The following JPH3 variants were observed in gnomAD, a reference collection of about 807,000 sequenced individuals.
JPH3 encodes junctophilin 3, also known as junctophilin-3.
Under a neutral mutation model 59.6 loss-of-function variants are expected in JPH3, and 11 were observed. The ratio of observed to expected loss-of-function variants is 0.18; its 90% confidence interval spans 0.12 to 0.31. JPH3 has a LOEUF of 0.31. JPH3 is among the 10% of genes least tolerant of loss of function. The pLI, the probability that JPH3 is intolerant of heterozygous loss-of-function variation, is 1.00. For missense variants in JPH3, 1,202 were observed against 1,105.7 expected, an observed-to-expected ratio of 1.09 and a Z score of -1.24; for synonymous variants, 673 against 483.6, an observed-to-expected ratio of 1.39 and a Z score of -5.14.
At chr16:87,623,526 A>T (rs142357960) in intron 1 of JPH3, among the ~76,000 whole-genome samples, 14 of 152,328 alleles carry the variant, frequency 9.2e-5, no homozygotes, top group Admixed American at 2.6e-4. Flanking sequence ...GTTTAAGGAA[A>T]TGTTAAATTT....
intron 1 of JPH3, among the ~76,000 whole-genome samples, chr16:87,620,775 G>C (rs1042557580): frequency 6.6e-6 from 1 of 152,216 alleles, no homozygotes; most frequent in African/African-American, 2.4e-5. Flanking sequence ...ACACGGTTCT[G>C]CTGTTGGGGC....
At chr16:87,694,311 G>A (rs578129435) in intron 4 of JPH3, 2 of 152,444 alleles carry the variant, frequency 1.3e-5, no homozygotes, top group South Asian at 2.1e-4. Context: ...ACCAGCCTAG[G>A]TGCTGGCGTG....
intron 2 of JPH3, among the ~76,000 whole-genome samples, chr16:87,673,775 A>G (rs748758905): frequency 2.8e-4 from 43 of 151,964 alleles, no homozygotes; most frequent in Admixed American, 1.3e-3. Flanking sequence ...AAAATATAAA[A>G]ATGAGCTGGG....
At chr16:87,612,332 C>G (rs1225999395) in intron 1 of JPH3, among the ~76,000 whole-genome samples, 4 of 152,092 alleles carry the variant, frequency 2.6e-5, no homozygotes, top group Non-Finnish European at 5.9e-5. Flanking sequence ...GTCGTGTTTC[C>G]CAGACTGGTC....
At chr16:87,625,870 A>G (rs1597243490) in intron 1 of JPH3, among the ~76,000 whole-genome samples, 2 of 152,042 alleles carry the variant, frequency 1.3e-5, no homozygotes. Flanking sequence ...TGTTCACCCC[A>G]TACCCTCCCC....
At chr16:87,640,284 G>A (rs1004497561) in intron 1 of JPH3, among the ~76,000 whole-genome samples, 30 of 151,612 alleles carry the variant, frequency 2.0e-4, no homozygotes, top group Admixed American at 1.7e-3. Flanking sequence ...AGCTGAGATC[G>A]CGCTACTGCA....
At chr16:87,641,531 C>T (rs138412004) in intron 1 of JPH3, among the ~76,000 whole-genome samples, 21 of 152,336 alleles carry the variant, frequency 1.4e-4, no homozygotes, top group African/African-American at 3.8e-4. Flanking sequence ...CCACCTCATT[C>T]GGCCCCGTCC....
intron 2 of JPH3, among the ~76,000 whole-genome samples, chr16:87,656,164 C>CTATCTCAGAGCACACAG (rs2032495334): frequency 6.6e-6 from 1 of 152,248 alleles, no homozygotes; most frequent in South Asian, 2.1e-4. Context: ...CTCTGCCCGC[C>CTATCTCAGAGCACACAG]TATCTCAGAG....
intron 1 of JPH3, among the ~76,000 whole-genome samples, chr16:87,632,767 C>G (rs1334451563): frequency 2.6e-5 from 4 of 152,080 alleles, no homozygotes; most frequent in South Asian, 2.1e-4. Flanking sequence ...GAGGTGTGCA[C>G]TTGTAATCCC....
rs2142854724 is a variant in JPH3, at chr16:87,696,331, G to C, written c.2167-249G>C. On this transcript the variant is annotated intron_variant, in intron 4 of 4. Transcript: ENST00000284262. ...TACTCAGGGTGTCGGGGCCACAAGG[G>C]AATTCCAAGGGAATTCCAGGACCAG... Among the ~76,000 whole-genome samples, 2 of 152,118 alleles carry C rather than the reference G, an allele frequency of 1.3e-5. 1 individual carries two copies. Among genetic ancestry groups the C allele is most frequent in the Non-Finnish European group, 2.9e-5 (2 of 68,004 alleles).
At chr16:87,681,318 GA>G (rs1365542716) in intron 2 of JPH3, among the ~76,000 whole-genome samples, 1 of 144,432 alleles carries the variant, frequency 6.9e-6, no homozygotes, top group African/African-American at 2.6e-5. Flanking sequence ...ACAGTTCCGG[GA>G]GGTCAGGTGC....
At position 87,611,390 on chromosome 16, in the gene JPH3, A is replaced by AT. The variant is rs1204626333; in HGVS notation, c.382+7863dup. On this transcript the variant is annotated intron_variant, in intron 1 of 4. Transcript: ENST00000284262. This position sits in a 1 kb window ranked among gnomAD's most constrained non-coding sequence, Gnocchi z 4.5. ...GAAGGGCAGTAGGGTGAGAGTTGTT[A>AT]TCCCAAGCCTGAGGCTGCAGATTTG... Among the ~76,000 whole-genome samples, 3 of 152,128 alleles carry AT rather than the reference A, an allele frequency of 2.0e-5. No individual in the cohort carries two copies. The highest frequency in any genetic ancestry group is 2.9e-5 in the Non-Finnish European group (2 of 68,010).
chr16:87,642,122 G>A (rs1218941052), intron 1 of JPH3, among the ~76,000 whole-genome samples: 6 of 152,104 alleles, frequency 3.9e-5, no homozygotes, highest in Non-Finnish European at 4.4e-5. Context: ...TGAAGGTGGC[G>A]GGGTGTGGGG....
At chr16:87,607,700 T>C (rs1346025917) in intron 1 of JPH3, among the ~76,000 whole-genome samples, 4 of 152,242 alleles carry the variant, frequency 2.6e-5, no homozygotes, top group African/African-American at 9.6e-5. Flanking sequence ...TAAACTACCA[T>C]GGGGCGTATG....
At chr16:87,622,527 G>A (rs1360421733) in intron 1 of JPH3, among the ~76,000 whole-genome samples, 1 of 152,216 alleles carries the variant, frequency 6.6e-6, no homozygotes, top group South Asian at 2.1e-4. Flanking sequence ...TGGCAGGGCC[G>A]GGAAGTAGAG....
intron 3 of JPH3, among the ~76,000 whole-genome samples, chr16:87,685,735 G>C (rs979004777): frequency 6.6e-6 from 1 of 152,254 alleles, no homozygotes; most frequent in Non-Finnish European, 1.5e-5. Flanking sequence ...CTCAGCTCCA[G>C]CCCTGCCTGC....
chr16:87,627,861 G>T (rs2031434147), intron 1 of JPH3, among the ~76,000 whole-genome samples: 1 of 152,214 alleles, frequency 6.6e-6, no homozygotes, highest in Non-Finnish European at 1.5e-5. Context: ...ACAGGTAACA[G>T]CATCAGCCAG....
At chr16:87,662,782 T>C (rs970419892) in intron 2 of JPH3, among the ~76,000 whole-genome samples, 3 of 152,224 alleles carry the variant, frequency 2.0e-5, no homozygotes, top group Non-Finnish European at 4.4e-5. Context: ...CACGCAGGGT[T>C]GCAACCTCTT....
At chr16:87,622,027 T>C (rs1345280862) in intron 1 of JPH3, among the ~76,000 whole-genome samples, 1 of 152,096 alleles carries the variant, frequency 6.6e-6, no homozygotes, top group Non-Finnish European at 1.5e-5. Context: ...TTGTCTGGGG[T>C]CACTGGGGTG....
Sources: allele counts gnomAD v4.1 joint callset (sites outside exome capture counted in the v4.1 genomes callset), GRCh38; gene constraint gnomAD v4.1.1; non-coding constraint Gnocchi (gnomAD v3.1); transcripts MANE v1.5; gene names NCBI Gene and HGNC (gene_info 2026-07-23, HGNC 2026-07-21).